The following FGGY variants were observed in gnomAD, a reference collection of about 807,000 sequenced individuals.
FGGY encodes the protein FGGY carbohydrate kinase domain-containing protein.
FGGY carries 72 observed loss-of-function variants against 71.3 expected under a neutral mutation model. The ratio of observed to expected loss-of-function variants is 1.01; its 90% CI spans 0.84 to 1.23. The LOEUF (loss-of-function observed/expected upper bound fraction) is 1.23, where lower values mean the gene tolerates loss of function less well. FGGY is among the 50% of genes most tolerant of loss of function. FGGY has a pLI of 0.00. For missense variants in FGGY, 668 were observed against 682.3 expected, an observed-to-expected ratio of 0.98 and a Z score of 0.23; for synonymous variants, 251 against 250.3, an observed-to-expected ratio of 1.00 and a Z score of -0.02.
chr1:59,299,479 G>A (rs1293552378), intron 1 of FGGY, among the ~76,000 whole-genome samples: 1 of 152,226 alleles, frequency 6.6e-6, no homozygotes, highest in Non-Finnish European at 1.5e-5. Flanking sequence ...AGAGGTAATT[G>A]TAGTAATATA....
intron 5 of FGGY, among the ~76,000 whole-genome samples, chr1:59,432,587 G>A (rs528779190): frequency 6.6e-6 from 1 of 152,328 alleles, no homozygotes; most frequent in Admixed American, 6.5e-5. Flanking sequence ...ATTGTCATGA[G>A]TATGCAGAAA....
intron 8 of FGGY, among the ~76,000 whole-genome samples, chr1:59,594,936 G>T (rs2096501266): frequency 6.6e-6 from 1 of 152,186 alleles, no homozygotes; most frequent in African/African-American, 2.4e-5. Context: ...ATACCCCTGG[G>T]CAGTACTCTG....
chr1:59,317,433 G>A (rs943489352), intron 1 of FGGY, among the ~76,000 whole-genome samples: 2 of 152,228 alleles, frequency 1.3e-5, no homozygotes, highest in African/African-American at 4.8e-5. Flanking sequence ...GTGGGAATAA[G>A]TGACACGATG....
chr1:59,705,808 T>C lies in FGGY; in HGVS notation c.1512+31675T>C, dbSNP rs554665347. On this transcript the variant is annotated intron_variant, in intron 14 of 15. Transcript: ENST00000303721. Reference sequence around the variant, plus strand: ...ACTTGGTATCTGCTCAATACATGTTTGCTTTTGCCTTTTCTGGTTAAAGAC... The same window carrying C: ...ACTTGGTATCTGCTCAATACATGTTCGCTTTTGCCTTTTCTGGTTAAAGAC... Among the ~76,000 whole-genome samples, 3 of 152,366 alleles carry C rather than the reference T, an allele frequency of 2.0e-5. No individual in the cohort carries two copies. In the South Asian group the frequency reaches 6.2e-4, roughly 32 times the overall value.
intron 14 of FGGY, among the ~76,000 whole-genome samples, chr1:59,685,785 C>T (rs1350837073): frequency 1.3e-5 from 2 of 152,036 alleles, no homozygotes; most frequent in African/African-American, 2.4e-5. Flanking sequence ...AATGAGGTCT[C>T]GCTCTATTGC....
Position 59,554,192 on chromosome 1 carries a change from G to A in FGGY, c.868G>A (p.Ala290Thr), listed in dbSNP as rs998421142. Residue 290 changes from alanine (A) to threonine (T), a missense_variant, in exon 8 of 16, where the codon GCT (alanine) becomes ACT (threonine). Transcript: ENST00000303721. Reference sequence around the variant, plus strand: ...GGGGCAGCCAGTGACGTCACGGCTGGCTGTCATCTGTGGAACGTCTTCTTG... The same window carrying A: ...GGGGCAGCCAGTGACGTCACGGCTGACTGTCATCTGTGGAACGTCTTCTTG... The part of the protein sequence containing the change: ...CEGQPVTSRL[A>T]VICGTSSCHM... 6.2e-7 allele frequency: 1 copy of A among 1,613,454 alleles called. No homozygotes were observed. Among genetic ancestry groups the A allele is most frequent in the African/African-American group, 1.3e-5 (1 of 74,926 alleles).
chr1:59,328,651 G>A lies in FGGY; in HGVS notation c.201+6901G>A, dbSNP rs137943603. ...GTGCAAGAGGCCTATCTTTTTGCCA[G>A]TCTTGGCTTTCCCTATGCCTACTTG... On this transcript the variant is annotated intron_variant, in intron 2 of 15. Transcript: ENST00000303721. Among the ~76,000 whole-genome samples the A allele has an allele frequency of 2.5e-3, 379 of 152,300 alleles. 2 individuals carry two copies. The highest frequency in any genetic ancestry group is 8.9e-3 in the African/African-American group (368 of 41,562).
intron 4 of FGGY, among the ~76,000 whole-genome samples, chr1:59,347,392 C>T (rs2052280607): frequency 6.6e-6 from 1 of 151,882 alleles, no homozygotes; most frequent in East Asian, 1.9e-4. Flanking sequence ...TGATGGTTTC[C>T]AGCTTCATGC....
At chr1:59,619,228 G>A (rs369307932) in intron 9 of FGGY, among the ~76,000 whole-genome samples, 168 of 152,152 alleles carry the variant, frequency 1.1e-3, no homozygotes, top group African/African-American at 4.0e-3. Context: ...ACTGTTCTGA[G>A]TGAGAAAGTA....
chr1:59,608,515 T>C (rs1178267411), intron 9 of FGGY, among the ~76,000 whole-genome samples: 1 of 152,150 alleles, frequency 6.6e-6, no homozygotes, highest in Non-Finnish European at 1.5e-5. Context: ...AATCCCCTTT[T>C]CTAGAACACT....
intron 8 of FGGY, among the ~76,000 whole-genome samples, chr1:59,601,256 T>G (rs932867225): frequency 6.6e-6 from 1 of 151,946 alleles, no homozygotes; most frequent in Non-Finnish European, 1.5e-5. Flanking sequence ...AGCCTCGGAG[T>G]GATGGCGTTG....
intron 14 of FGGY, among the ~76,000 whole-genome samples, chr1:59,689,332 A>G (rs4912221): frequency 0.83 from 125,559 of 152,056 alleles, 52,225 homozygotes; most frequent in Non-Finnish European, 0.88. Context: ...AGAAACAGAT[A>G]CAGACAGAAC....
intron 14 of FGGY, among the ~76,000 whole-genome samples, chr1:59,715,868 T>A (rs765480918): frequency 7.2e-5 from 11 of 152,210 alleles, no homozygotes; most frequent in Non-Finnish European, 1.5e-4. Context: ...CTACTGACTG[T>A]TTTTGAAAAT....
At chr1:59,344,303 T>C (rs1045529594) in intron 3 of FGGY, among the ~76,000 whole-genome samples, 6 of 149,388 alleles carry the variant, frequency 4.0e-5, no homozygotes, top group African/African-American at 1.5e-4. Flanking sequence ...GCTTTTTTTG[T>C]TGTTTTTTTT....
intron 6 of FGGY, among the ~76,000 whole-genome samples, chr1:59,489,303 A>G (rs1233240307): frequency 6.6e-6 from 1 of 152,132 alleles, no homozygotes; most frequent in African/African-American, 2.4e-5. Context: ...GTGGTATAGA[A>G]TACTAGAACT....
chr1:59,610,032 A>T, intron 9 of FGGY, among the ~76,000 whole-genome samples: 1 of 152,184 alleles, frequency 6.6e-6, no homozygotes, highest in East Asian at 1.9e-4. Context: ...AGCCCACTTT[A>T]TATTCTCCTA....
rs761328982 is a variant in FGGY, at chr1:59,470,944, A to G, written c.670+13868A>G. 5.2e-4 allele frequency among the ~76,000 whole-genome samples: 79 copies of G among 152,162 alleles called. 1 individual carries two copies. The highest frequency in any genetic ancestry group is 1.8e-3 in the African/African-American group (74 of 41,416). ...TTTGTATCATGTGATATAAGTGCCA[A>G]TTTTACTAATTTATATTGAGAGCTC... On this transcript the variant is annotated intron_variant, in intron 6 of 15. Coordinates refer to ENST00000303721, the MANE Select transcript of FGGY (RefSeq NM_018291.5).
chr1:59,434,881 A>G (rs914602896), intron 5 of FGGY, among the ~76,000 whole-genome samples: 3 of 152,168 alleles, frequency 2.0e-5, no homozygotes, highest in Admixed American at 1.3e-4. Context: ...GCCAACCTAA[A>G]GACATTCACA....
At chr1:59,324,715 C>G (rs977124753) in intron 2 of FGGY, among the ~76,000 whole-genome samples, 2 of 152,206 alleles carry the variant, frequency 1.3e-5, no homozygotes, top group Non-Finnish European at 2.9e-5. Context: ...ACTGCTACTG[C>G]TCTCATGCTC....
Sources: allele counts gnomAD v4.1 joint callset (sites outside exome capture counted in the v4.1 genomes callset), GRCh38; gene constraint gnomAD v4.1.1; transcripts MANE v1.5; gene names NCBI Gene and HGNC (gene_info 2026-07-23, HGNC 2026-07-21).